Variants in C10orf67 observed in about 807,000 individuals in gnomAD.
C10orf67 encodes the protein uncharacterized protein C10orf67, mitochondrial.
In C10orf67, 60 loss-of-function variants were observed where a neutral mutation model predicts 35.6. The observed-to-expected ratio is 1.68, with a 90% CI of 1.37 to 2.09. The LOEUF is 2.09. C10orf67 is among the 30% of genes most tolerant of loss of function. The probability of loss-of-function intolerance (pLI) is 0.00; values close to 1 mark genes in which losing one functional copy is unlikely to be tolerated. For missense variants in C10orf67, 474 were observed against 330.2 expected, an observed-to-expected ratio of 1.44 and a Z score of -3.38; for synonymous variants, 167 against 115.8, an observed-to-expected ratio of 1.44 and a Z score of -2.84.
intron 5 of C10orf67, among the ~76,000 whole-genome samples, chr10:23,292,549 G>A (rs771052390): frequency 7.2e-5 from 11 of 152,206 alleles, no homozygotes; most frequent in Middle Eastern, 3.4e-3. Context: ...TCTCTCGACT[G>A]ATTTCCCTTT....
chr10:23,337,450 C>T (rs1013703431), intron 1 of C10orf67, among the ~76,000 whole-genome samples: 1 of 152,154 alleles, frequency 6.6e-6, no homozygotes, highest in African/African-American at 2.4e-5. Flanking sequence ...GGGAAGATCA[C>T]CTGAGCCTGG....
At chr10:23,230,285 A>C (rs376217713) in intron 13 of C10orf67, among the ~76,000 whole-genome samples, 27 of 152,174 alleles carry the variant, frequency 1.8e-4, no homozygotes, top group Non-Finnish European at 4.0e-4. Context: ...CCAGATGTCT[A>C]TCTCTCTATA....
chr10:23,318,707 G>C lies in C10orf67; in HGVS notation c.546+2034C>G, dbSNP rs1344606969. The stretch of plus-strand genomic sequence containing the variant: ...ATCGTTAGCAGAGCAATCTGTCCTG[G>C]GATGTTTTCAGCTGCAAGTAACTGA... On this transcript the variant is annotated intron_variant, in intron 4 of 15. Coordinates refer to ENST00000636213, the MANE Select transcript of C10orf67 (RefSeq NM_001371909.1). The C allele has an allele frequency of 8.5e-6, 5 of 585,894 alleles. No homozygotes were observed. The East Asian group carries it at 1.4e-4, about 17-fold the overall frequency. The allele number at this position is 585,894 out of a possible 1,614,324, so 36.3% of individuals were successfully genotyped here.
At chr10:23,335,943 T>C (rs1845663169) in intron 1 of C10orf67, among the ~76,000 whole-genome samples, 1 of 152,178 alleles carries the variant, frequency 6.6e-6, no homozygotes, top group Non-Finnish European at 1.5e-5. Context: ...CCACTTTCTT[T>C]TCTACCTTCT....
intron 15 of C10orf67, among the ~76,000 whole-genome samples, chr10:23,218,859 C>G (rs554378895): frequency 1.3e-5 from 2 of 152,176 alleles, no homozygotes; most frequent in African/African-American, 4.8e-5. Flanking sequence ...AATCTGAAAA[C>G]CTTAACAAAT....
Position 23,313,463 on chromosome 10 carries a change from C to G in C10orf67, c.546+7278G>C, listed in dbSNP as rs889014896. ...GACACTCTTCTTGATCATATTCAAC[C>G]CTTTATTCAATAAAATTTGTCAAAA... On this transcript the variant is annotated intron_variant, in intron 4 of 15. Coordinates refer to ENST00000636213, the MANE Select transcript of C10orf67 (RefSeq NM_001371909.1). Among the ~76,000 whole-genome samples the G allele has an allele frequency of 2.6e-5, 4 of 152,140 alleles. 1 individual carries two copies. The highest frequency in any genetic ancestry group is 5.9e-5 in the Non-Finnish European group (4 of 68,026).
chr10:23,266,545 T>A, intron 9 of C10orf67, 119 bp from the exon 10 acceptor site: 1 of 396,678 alleles, frequency 2.5e-6, no homozygotes, highest in Non-Finnish European at 4.4e-6. Flanking sequence ...TTTTCAGTCC[T>A]AGAGCGCATG....
Position 23,243,983 on chromosome 10 carries a change from G to A in C10orf67, c.1347-4167C>T, listed in dbSNP as rs79777846. Among the ~76,000 whole-genome samples, 74 of 152,232 alleles carry A rather than the reference G, an allele frequency of 4.9e-4. No individual in the cohort carries two copies. The East Asian group carries it at 0.012, about 25-fold the overall frequency. Reference sequence around the variant, plus strand: ...CAGGGCTTACGGCAGCCTTGACCTCGTGGGTCCAGGCAATCTTCCTGCCTC... The same window carrying A: ...CAGGGCTTACGGCAGCCTTGACCTCATGGGTCCAGGCAATCTTCCTGCCTC... On this transcript the variant is annotated intron_variant, in intron 12 of 15. Coordinates refer to ENST00000636213, the MANE Select transcript of C10orf67 (RefSeq NM_001371909.1).
intron 2 of C10orf67, among the ~76,000 whole-genome samples, chr10:23,328,993 C>CAAAAAAA (rs57772405): frequency 2.8e-3 from 220 of 78,736 alleles, no homozygotes; most frequent in Non-Finnish European, 3.2e-3. Context: ...CATAAACGAA[C>CAAAAAAA]AAAAAAAAAA....
rs567599185 is a variant in C10orf67, at chr10:23,223,074, T to C, written c.1570+524A>G. Among the ~76,000 whole-genome samples, 200 of 135,016 alleles carry C rather than the reference T, an allele frequency of 1.5e-3. 1 individual carries two copies. Among genetic ancestry groups the C allele is most frequent in the African/African-American group, 6.0e-3 (184 of 30,830 alleles). 88.6% of individuals were successfully genotyped at this position (135,016 alleles called of 152,430 possible). On this transcript the variant is annotated intron_variant, in intron 15 of 15. Transcript: ENST00000636213. ...TAAGGCAGTCTCTGGTTTTGAAGTATAACTATTTTTTTTTTTAAATTTAAA... is the reference window on the plus strand; with the variant it reads ...TAAGGCAGTCTCTGGTTTTGAAGTACAACTATTTTTTTTTTTAAATTTAAA...
At chr10:23,289,847 C>T (rs970916651) in intron 7 of C10orf67, 53 bp downstream of exon 7, 34 of 706,866 alleles carry the variant, frequency 4.8e-5, no homozygotes, top group Middle Eastern at 2.5e-4. Flanking sequence ...TGGCCAATTG[C>T]GCCTATAGTT....
intron 8 of C10orf67, among the ~76,000 whole-genome samples, chr10:23,273,792 T>C (rs931644866): frequency 6.6e-6 from 1 of 152,238 alleles, no homozygotes; most frequent in Non-Finnish European, 1.5e-5. Context: ...GACCAAGTCC[T>C]GCTCCACTTT....
intron 4 of C10orf67, among the ~76,000 whole-genome samples, chr10:23,309,027 T>C (rs142132384): frequency 4.6e-5 from 7 of 152,250 alleles, no homozygotes; most frequent in African/African-American, 1.7e-4. Flanking sequence ...TTCTAACTAA[T>C]TTTTATGTTC....
intron 13 of C10orf67, among the ~76,000 whole-genome samples, chr10:23,234,536 A>T (rs1376134842): frequency 6.6e-6 from 1 of 152,122 alleles, no homozygotes; most frequent in Non-Finnish European, 1.5e-5. Context: ...AGGGAGGAGG[A>T]TGGGAGGAGG....
chr10:23,226,837 T>C (rs1234099364), intron 13 of C10orf67, among the ~76,000 whole-genome samples: 1 of 152,148 alleles, frequency 6.6e-6, no homozygotes, highest in Admixed American at 6.5e-5. Flanking sequence ...CTAGAAAATC[T>C]AGAAGAAATG....
chr10:23,329,002 A>C (rs1226178217), intron 2 of C10orf67, among the ~76,000 whole-genome samples: 1 of 149,718 alleles, frequency 6.7e-6, no homozygotes, highest in Non-Finnish European at 1.5e-5. Flanking sequence ...ACAAAAAAAA[A>C]AAAAAAAAAA....
intron 15 of C10orf67, among the ~76,000 whole-genome samples, chr10:23,215,580 A>G (rs1215399776): frequency 6.6e-6 from 1 of 152,092 alleles, no homozygotes; most frequent in Non-Finnish European, 1.5e-5. Flanking sequence ...CCCGGCTGAG[A>G]TATCTATTAT....
intron 4 of C10orf67, among the ~76,000 whole-genome samples, chr10:23,310,767 ACT>A (rs773208789): frequency 5.3e-5 from 8 of 151,956 alleles, no homozygotes; most frequent in African/African-American, 7.3e-5. Flanking sequence ...AAGGAGAAAT[ACT>A]CTCTTTCTCT....
chr10:23,340,842 A>T (rs1212661799), intron 1 of C10orf67, among the ~76,000 whole-genome samples: 1 of 152,228 alleles, frequency 6.6e-6, no homozygotes, highest in Non-Finnish European at 1.5e-5. Context: ...GAAGATAATT[A>T]TGTTTTTTAA....
Sources: gnomAD v4.1 joint callset for allele counts (sites outside exome capture counted in the v4.1 genomes callset) on GRCh38, gnomAD v4.1.1 for gene constraint, MANE v1.5 for transcripts, NCBI Gene and HGNC (gene_info 2026-07-23, HGNC 2026-07-21) for gene names.